The following PCNX1 variants were observed in gnomAD, a reference collection of about 807,000 sequenced individuals.
PCNX1 encodes the protein pecanex-like protein 1.
Under a neutral mutation model 242.2 loss-of-function variants are expected in PCNX1, and 78 were observed. That is an observed-to-expected ratio of 0.32 (90% confidence interval 0.27 to 0.39). PCNX1 has a LOEUF of 0.39. PCNX1 is among the 10% of genes least tolerant of loss of function. PCNX1 has a pLI of 1.00. For synonymous variants in PCNX1, 1,024 were observed against 1,032.9 expected, an observed-to-expected ratio of 0.99 and a Z score of 0.17; for missense variants, 2,581 against 2,856.5, an observed-to-expected ratio of 0.90 and a Z score of 2.20.
intron 16 of PCNX1, among the ~76,000 whole-genome samples, chr14:71,032,733 T>G (rs2060423805): frequency 6.6e-6 from 1 of 152,206 alleles, no homozygotes; most frequent in Admixed American, 6.5e-5. Flanking sequence ...ACTTAAGAAC[T>G]GTTACCTGTT....
chr14:70,933,855 A>G (rs1444613026), intron 1 of PCNX1, among the ~76,000 whole-genome samples: 3 of 152,198 alleles, frequency 2.0e-5, no homozygotes, highest in Non-Finnish European at 4.4e-5. Flanking sequence ...TTAATTGATA[A>G]TCACTTTGTA....
intron 5 of PCNX1, among the ~76,000 whole-genome samples, chr14:70,975,694 A>G (rs1014401023): frequency 2.0e-5 from 3 of 152,072 alleles, no homozygotes; most frequent in Non-Finnish European, 4.4e-5. Flanking sequence ...GTCAAAACAT[A>G]TATTTAAAAA....
intron 8 of PCNX1, among the ~76,000 whole-genome samples, chr14:71,005,210 A>C (rs547182253): frequency 6.6e-6 from 1 of 152,188 alleles, no homozygotes; most frequent in Non-Finnish European, 1.5e-5. Context: ...AGTGATGTCA[A>C]GAATGCAACA....
intron 2 of PCNX1, among the ~76,000 whole-genome samples, chr14:70,955,462 T>C (rs2057956039): frequency 1.3e-5 from 2 of 152,220 alleles, no homozygotes; most frequent in South Asian, 4.1e-4. Context: ...CCTGAGAGCA[T>C]GAGCAATAAA....
intron 12 of PCNX1, among the ~76,000 whole-genome samples, chr14:71,022,857 T>A (rs1046074486): frequency 2.0e-5 from 3 of 152,270 alleles, no homozygotes; most frequent in Admixed American, 2.0e-4. Context: ...ATACTATACT[T>A]GTATTTAGTA....
chr14:70,930,866 AGAC>A (rs2056770583), intron 1 of PCNX1, among the ~76,000 whole-genome samples: 1 of 151,940 alleles, frequency 6.6e-6, no homozygotes, highest in Admixed American at 6.6e-5. Context: ...CTCTGAAAGG[AGAC>A]TTCTAACTGG....
At chr14:71,023,440 C>T (rs1351792465) in intron 13 of PCNX1, among the ~76,000 whole-genome samples, 1 of 151,974 alleles carries the variant, frequency 6.6e-6, no homozygotes, top group African/African-American at 2.4e-5. Context: ...TACTTGTGGA[C>T]TCTAAATCTT....
At position 71,073,701 on chromosome 14, in the gene PCNX1, A is replaced by G; in HGVS notation, c.5009A>G (p.Lys1670Arg). 6.2e-7 allele frequency: 1 copy of G among 1,614,066 alleles called. No homozygotes were observed. Among genetic ancestry groups the G allele is most frequent in the Non-Finnish European group, 8.5e-7 (1 of 1,179,948 alleles). Residue 1670 changes from lysine (K) to arginine (R), a missense_variant, in exon 27 of 36, where the codon AAG (lysine) becomes AGG (arginine). Lys to Arg is a conservative substitution (Grantham distance 26). Around this residue, in one of 9 missense-constraint regions of PCNX1, gnomAD observed 298 missense variants for 480.1 expected, o/e 0.62. Transcript: ENST00000304743. ...RWLAWEVIVT[K>R]YILEGYSITD... ...CTAGCTTGGGAAGTGATAGTCACAA[A>G]GTACATTCTGGAGGGTTATAGCATC...
At chr14:71,100,031 G>A (rs1201888788) in intron 30 of PCNX1, among the ~76,000 whole-genome samples, 1 of 151,880 alleles carries the variant, frequency 6.6e-6, no homozygotes, top group East Asian at 1.9e-4. Flanking sequence ...TTGCAACTCT[G>A]TGTCTTTTAA....
rs1265736199 is a variant in PCNX1, at chr14:71,039,141, A to G, written c.3867+2984A>G. Among the ~76,000 whole-genome samples the G allele has an allele frequency of 2.6e-5, 4 of 151,950 alleles. No homozygotes were observed. The South Asian group carries it at 6.2e-4, about 24-fold the overall frequency. ...AATGCTAGATGACGAGTTAATGGGT[A>G]CAGCACACCAGCATGGCACATGTAT... On this transcript the variant is annotated intron_variant, in intron 19 of 35. Coordinates refer to ENST00000304743, the MANE Select transcript of PCNX1 (RefSeq NM_014982.3).
At chr14:70,953,374 T>C (rs943944313) in intron 2 of PCNX1, among the ~76,000 whole-genome samples, 8 of 152,140 alleles carry the variant, frequency 5.3e-5, no homozygotes, top group African/African-American at 1.9e-4. Flanking sequence ...TTTATTTTTT[T>C]ATATATGGTC....
At chr14:71,059,529 G>A (rs927318872) in intron 26 of PCNX1, among the ~76,000 whole-genome samples, 2 of 151,904 alleles carry the variant, frequency 1.3e-5, no homozygotes, top group Non-Finnish European at 2.9e-5. Flanking sequence ...GACTACAGGT[G>A]CACACCACCA....
At position 71,047,998 on chromosome 14, in the gene PCNX1, G is replaced by A. The variant is rs1424734277; in HGVS notation, c.4338+14G>A. On this transcript the variant is annotated intron_variant, in intron 22 of 35. Coordinates refer to ENST00000304743, the MANE Select transcript of PCNX1 (RefSeq NM_014982.3). ...CTCTTCAACAAGGTAATTTATCACT[G>A]AAAGGAATATCCTTATCTATAAAAA... 2.5e-6 allele frequency: 4 copies of A among 1,585,938 alleles called. No homozygotes were observed. The African/African-American group carries it at 4.0e-5, about 16-fold the overall frequency.
At chr14:70,982,465 G>A (rs1416806874) in intron 6 of PCNX1, among the ~76,000 whole-genome samples, 1 of 152,146 alleles carries the variant, frequency 6.6e-6, no homozygotes, top group Non-Finnish European at 1.5e-5. Flanking sequence ...TTTTAATAGT[G>A]TTCAAAGACA....
At chr14:70,952,688 G>A (rs2057834724) in intron 2 of PCNX1, among the ~76,000 whole-genome samples, 1 of 152,040 alleles carries the variant, frequency 6.6e-6, no homozygotes, top group South Asian at 2.1e-4. Flanking sequence ...TGTAAGAATA[G>A]ACCATAGTCT....
chr14:71,107,810 T>C (rs1452741795), intron 33 of PCNX1, among the ~76,000 whole-genome samples: 1 of 152,248 alleles, frequency 6.6e-6, no homozygotes, highest in Non-Finnish European at 1.5e-5. Context: ...GCTTGCCACA[T>C]AGTAGGGCCT....
At chr14:70,981,458 A>G (rs904196570) in intron 6 of PCNX1, among the ~76,000 whole-genome samples, 3 of 152,194 alleles carry the variant, frequency 2.0e-5, no homozygotes, top group Non-Finnish European at 4.4e-5. Context: ...ATTTAGTGAC[A>G]TGGACCTTAT....
chr14:70,984,625 A>G (rs1393539411), intron 6 of PCNX1, among the ~76,000 whole-genome samples: 1 of 151,858 alleles, frequency 6.6e-6, no homozygotes, highest in African/African-American at 2.4e-5. Flanking sequence ...TGACCTTGTG[A>G]TCCGCCTGGC....
intron 5 of PCNX1, among the ~76,000 whole-genome samples, chr14:70,973,252 C>CAAA (rs71448337): frequency 2.5e-5 from 2 of 80,420 alleles, no homozygotes; most frequent in Non-Finnish European, 5.0e-5. Context: ...CACTCTGTCT[C>CAAA]AAAAAAAAAA....
Sources: gnomAD v4.1 joint callset for allele counts (sites outside exome capture counted in the v4.1 genomes callset) on GRCh38, gnomAD v4.1.1 for gene constraint, gnomAD v4.1.1 regional missense constraint, MANE v1.5 for transcripts, NCBI Gene and HGNC (gene_info 2026-07-23, HGNC 2026-07-21) for gene names.